Variants in EEA1 observed in about 807,000 individuals in gnomAD.
EEA1 encodes the protein early endosome antigen 1.
A neutral mutation model predicts 209.2 loss-of-function variants in EEA1; 111 were observed. The ratio of observed to expected loss-of-function variants is 0.53; its 90% CI spans 0.45 to 0.62. The LOEUF (loss-of-function observed/expected upper bound fraction) is 0.62. EEA1 is among the 20% of genes least tolerant of loss of function. The pLI is 0.00. For synonymous variants in EEA1, 536 were observed against 540.6 expected, an observed-to-expected ratio of 0.99 and a Z score of 0.12; for missense variants, 1,343 against 1,530.8, an observed-to-expected ratio of 0.88 and a Z score of 2.05.
At chr12:92,865,089 G>T in intron 2 of EEA1, 102 bp from the exon 3 acceptor site, 1 of 845,212 alleles carries the variant, frequency 1.2e-6, no homozygotes, top group Non-Finnish European at 1.7e-6. Context: ...TCATACCAAT[G>T]GTGCCATTAG....
chr12:92,929,294 C>T lies in EEA1; in HGVS notation c.-228G>A. On this transcript the variant is annotated 5_prime_UTR_variant, in exon 1 of 29. Coordinates refer to ENST00000322349, the MANE Select transcript of EEA1 (RefSeq NM_003566.4). ...ACGACTAGGCAGCCTGCGAGCGCCT[C>T]CAGCCCGCCCGCCGGGCAGCCCCCG... 2.6e-6 allele frequency: 1 copy of T among 388,238 alleles called. No individual in the cohort carries two copies. 24.0% of individuals were successfully genotyped at this position (388,238 alleles called of 1,614,324 possible).
At chr12:92,846,356 G>A (rs1370188791) in intron 9 of EEA1, among the ~76,000 whole-genome samples, 1 of 152,086 alleles carries the variant, frequency 6.6e-6, no homozygotes, top group African/African-American at 2.4e-5. Context: ...TACACACTGA[G>A]CACATAATTA....
intron 2 of EEA1, chr12:92,884,422 T>C: frequency 7.4e-7 from 1 of 1,357,974 alleles, no homozygotes; most frequent in Non-Finnish European, 1.0e-6. Flanking sequence ...ACACTGGTAG[T>C]GGAGGAAACT....
At chr12:92,926,533 C>T (rs925117074) in intron 1 of EEA1, among the ~76,000 whole-genome samples, 1 of 152,106 alleles carries the variant, frequency 6.6e-6, no homozygotes, top group Non-Finnish European at 1.5e-5. Flanking sequence ...AGATTTAAGA[C>T]ATTTATCAAA....
At chr12:92,859,243 C>G in intron 3 of EEA1, 1 of 1,611,698 alleles carries the variant, frequency 6.2e-7, no homozygotes, top group Non-Finnish European at 8.5e-7. Context: ...GGACAGCTTC[C>G]CATGGGAAGT....
At chr12:92,893,484 A>G (rs1223408527) in intron 1 of EEA1, among the ~76,000 whole-genome samples, 1 of 152,170 alleles carries the variant, frequency 6.6e-6, no homozygotes, top group Non-Finnish European at 1.5e-5. Context: ...CTCACTACAT[A>G]TTTGCCTCAA....
rs779164468 is a variant in EEA1, at chr12:92,770,874, G to T, written c.*5137C>A. On this transcript the variant is annotated 3_prime_UTR_variant, in exon 29 of 29. Transcript: ENST00000322349. ...CTTTCACCAGTTAACACTTTTGCAT[G>T]GCTTTTCTTGGCCTGTTGTGAAGTG... is the stretch of plus-strand genomic sequence containing the variant. 1 of 152,032 alleles carries T rather than the reference G, an allele frequency of 6.6e-6. No individual in the cohort carries two copies. The highest frequency in any genetic ancestry group is 1.5e-5 in the Non-Finnish European group (1 of 67,940). The allele number at this position is 152,032 out of a possible 1,614,324, so 9.4% of individuals were successfully genotyped here.
chr12:92,922,373 C>T (rs1018546742), intron 1 of EEA1, among the ~76,000 whole-genome samples: 1 of 152,206 alleles, frequency 6.6e-6, no homozygotes, highest in Non-Finnish European at 1.5e-5. Context: ...CTTTCTCCAT[C>T]CCCAAAACTG....
chr12:92,799,867 T>C (rs1257105852), intron 20 of EEA1, among the ~76,000 whole-genome samples: 2 of 152,140 alleles, frequency 1.3e-5, no homozygotes, highest in African/African-American at 2.4e-5. Flanking sequence ...AATAGCTCTA[T>C]AGTAACTATG....
intron 6 of EEA1, among the ~76,000 whole-genome samples, chr12:92,853,515 G>A (rs1877730616): frequency 6.6e-6 from 1 of 152,044 alleles, no homozygotes; most frequent in African/African-American, 2.4e-5. Context: ...GATAAAATTA[G>A]TTATAAAGCG....
intron 3 of EEA1, among the ~76,000 whole-genome samples, chr12:92,863,139 G>A (rs1448691642): frequency 6.6e-6 from 1 of 152,242 alleles, no homozygotes; most frequent in Non-Finnish European, 1.5e-5. Context: ...CATCTCAGAA[G>A]AGTAGAAGGA....
At chr12:92,885,765 T>A (rs1879353649) in intron 2 of EEA1, among the ~76,000 whole-genome samples, 1 of 152,206 alleles carries the variant, frequency 6.6e-6, no homozygotes, top group South Asian at 2.1e-4. Flanking sequence ...TGGGTCTTGC[T>A]GTCTCAGAGG....
At chr12:92,819,595 C>A in intron 13 of EEA1, 84 bp from the exon 14 acceptor site, 1 of 974,422 alleles carries the variant, frequency 1.0e-6, no homozygotes, top group Non-Finnish European at 1.5e-6. Context: ...ATAATAAATT[C>A]TATCACTCAA....
At chr12:92,840,574 A>G (rs930973848) in intron 10 of EEA1, among the ~76,000 whole-genome samples, 1 of 152,212 alleles carries the variant, frequency 6.6e-6, no homozygotes, top group East Asian at 1.9e-4. Context: ...GGCCTCCCAA[A>G]GTGCTGGGAT....
At chr12:92,858,643 C>A in intron 3 of EEA1, 1 of 735,098 alleles carries the variant, frequency 1.4e-6, no homozygotes, top group Non-Finnish European at 2.6e-6. Context: ...AGTTACTGTG[C>A]ACTATATGCA....
intron 1 of EEA1, among the ~76,000 whole-genome samples, chr12:92,919,066 T>G (rs1880884772): frequency 6.7e-6 from 1 of 148,926 alleles, no homozygotes; most frequent in Admixed American, 6.7e-5. Flanking sequence ...AATCTCTGAA[T>G]AGACCAATAA....
chr12:92,796,808 T>G (rs1874671939), intron 21 of EEA1, among the ~76,000 whole-genome samples: 1 of 152,168 alleles, frequency 6.6e-6, no homozygotes, highest in Admixed American at 6.5e-5. Flanking sequence ...AACAACTATT[T>G]TACTTCCACA....
chr12:92,928,306 C>T (rs1016310101), intron 1 of EEA1, among the ~76,000 whole-genome samples: 5 of 152,152 alleles, frequency 3.3e-5, no homozygotes, highest in African/African-American at 1.2e-4. Flanking sequence ...CAAGGTTTTC[C>T]AGATTTCAGA....
At chr12:92,824,300 G>C (rs1876194532) in intron 13 of EEA1, among the ~76,000 whole-genome samples, 1 of 152,164 alleles carries the variant, frequency 6.6e-6, no homozygotes, top group Non-Finnish European at 1.5e-5. Context: ...GATTATTGTA[G>C]TAGCCTTTTA....
Sources: gnomAD v4.1 joint callset for allele counts (sites outside exome capture counted in the v4.1 genomes callset) on GRCh38, gnomAD v4.1.1 for gene constraint, MANE v1.5 for transcripts, NCBI Gene and HGNC (gene_info 2026-07-23, HGNC 2026-07-21) for gene names.